The following ARHGAP42 variants were observed in gnomAD, a reference collection of about 807,000 sequenced individuals.
ARHGAP42 encodes the protein Rho GTPase activating protein 42.
Under a neutral mutation model 125.0 loss-of-function variants are expected in ARHGAP42, and 63 were observed. That is an observed-to-expected ratio of 0.50 (90% confidence interval 0.41 to 0.62). The LOEUF is 0.62. Ranked by LOEUF, ARHGAP42 falls within the 20% of genes least tolerant of loss-of-function variation. The pLI, the probability that ARHGAP42 is intolerant of heterozygous loss-of-function variation, is 0.00. For missense variants in ARHGAP42, 766 were observed against 1,024.2 expected (o/e 0.75, Z 3.44); for synonymous variants, 339 against 351.0 (o/e 0.97, Z 0.38).
rs767815247 is a variant in ARHGAP42 at position 100,899,722 on chromosome 11, GT to G, written c.385-13719del. 9.0e-3 allele frequency among the ~76,000 whole-genome samples: 606 copies of G among 67,178 alleles called. 8 individuals carry two copies. Among genetic ancestry groups the G allele is most frequent in the African/African-American group, 0.045 (543 of 11,988 alleles). 44.1% of individuals were successfully genotyped at this position (67,178 alleles called of 152,430 possible). A position where few individuals can be genotyped will look rare whatever the true frequency, so the allele number is the denominator to read the frequency against. On this transcript the variant is annotated intron_variant, in intron 4 of 23. Coordinates refer to ENST00000298815, the MANE Select transcript of ARHGAP42 (RefSeq NM_152432.4). The stretch of plus-strand genomic sequence containing the variant: ...TTTTTTTTGTTTTGTTTTGTGTTTT[GT>G]TTTTTTTTTTGTTTTTTTTTGCTCT...
intron 8 of ARHGAP42, among the ~76,000 whole-genome samples, chr11:100,937,248 C>G (rs964969587): frequency 5.9e-5 from 9 of 152,214 alleles, no homozygotes; most frequent in African/African-American, 2.2e-4. Flanking sequence ...CTACCTTGGC[C>G]AGTCTACTGT....
At chr11:100,882,427 A>G (rs1224013170) in intron 4 of ARHGAP42, among the ~76,000 whole-genome samples, 1 of 150,402 alleles carries the variant, frequency 6.6e-6, no homozygotes, top group Non-Finnish European at 1.5e-5. Context: ...CCATCCCTGT[A>G]TCACTGGTAT....
chr11:100,873,721 A>G (rs983249846), intron 4 of ARHGAP42, among the ~76,000 whole-genome samples: 1 of 152,216 alleles, frequency 6.6e-6, no homozygotes, highest in Non-Finnish European at 1.5e-5. Context: ...TCCATGAGGT[A>G]GGGCCTATTA....
chr11:100,974,465 C>T lies in ARHGAP42; in HGVS notation c.1717C>T (p.His573Tyr). Residue 573 changes from histidine (H) to tyrosine (Y), a missense_variant, in exon 19 of 24, where the codon CAT becomes TAT. Transcript: ENST00000298815. Reference protein sequence around the residue: ...ILIEHYEKIFHTAPDPSIPLP... With the variant: ...ILIEHYEKIFYTAPDPSIPLP... ...CCATTTTTCTTATACGTAGATTTTT[C>T]ATACTGCTCCAGACCCAAGCATTCC... 1.9e-6 allele frequency: 3 copies of T among 1,547,838 alleles called. No homozygotes were observed. In the South Asian group the frequency reaches 3.6e-5, roughly 18 times the overall value.
In ARHGAP42 at chr11:100,830,757, T is replaced by C. The variant is rs142666800; in HGVS notation, c.313-28797T>C. 2.3e-3 allele frequency among the ~76,000 whole-genome samples: 348 copies of C among 152,264 alleles called. 3 individuals carry two copies. The highest frequency in any genetic ancestry group is 7.9e-3 in the African/African-American group (330 of 41,552). On this transcript the variant is annotated intron_variant, in intron 3 of 23. Transcript: ENST00000298815. ...CAACTATAATAATAATATCATAGAG[T>C]GAGCCGTCATCTGGCATTGTTGGGA...
chr11:100,808,161 G>A (rs925345114), intron 3 of ARHGAP42, among the ~76,000 whole-genome samples: 3 of 152,112 alleles, frequency 2.0e-5, no homozygotes, highest in African/African-American at 7.2e-5. Context: ...ACAAAGCTAT[G>A]GATGAATGGG....
chr11:100,759,209 G>T (rs991922100), intron 1 of ARHGAP42, among the ~76,000 whole-genome samples: 4 of 152,220 alleles, frequency 2.6e-5, no homozygotes, highest in Admixed American at 6.5e-5. Context: ...TTAAATGAAA[G>T]AACCTTCTGG....
At chr11:100,793,503 T>A (rs1863624033) in intron 2 of ARHGAP42, among the ~76,000 whole-genome samples, 1 of 152,254 alleles carries the variant, frequency 6.6e-6, no homozygotes. Flanking sequence ...AAATCCAATA[T>A]GAAATAATCA....
At chr11:100,842,338 C>T (rs543422475) in intron 3 of ARHGAP42, among the ~76,000 whole-genome samples, 13 of 152,218 alleles carry the variant, frequency 8.5e-5, no homozygotes, top group Non-Finnish European at 1.6e-4. Context: ...AAATGAGAAC[C>T]TATTCAAGTT....
chr11:100,719,352 C>T (rs1477181223), intron 1 of ARHGAP42, among the ~76,000 whole-genome samples: 1 of 152,144 alleles, frequency 6.6e-6, no homozygotes, highest in Non-Finnish European at 1.5e-5. Context: ...CTACTTTGAG[C>T]TCTGTTGGAA....
At chr11:100,972,437 G>A (rs1858272610) in intron 17 of ARHGAP42, among the ~76,000 whole-genome samples, 1 of 152,144 alleles carries the variant, frequency 6.6e-6, no homozygotes, top group Non-Finnish European at 1.5e-5. Context: ...TGTCAAGCCA[G>A]CAATGATGCT....
intron 12 of ARHGAP42, among the ~76,000 whole-genome samples, chr11:100,959,362 A>G (rs1184167714): frequency 6.6e-6 from 1 of 152,062 alleles, no homozygotes; most frequent in Non-Finnish European, 1.5e-5. Context: ...AAAATGAAAA[A>G]TAGAACATGG....
At chr11:100,948,337 T>A in intron 10 of ARHGAP42, 120 bp from the exon 11 acceptor site, 1 of 711,402 alleles carries the variant, frequency 1.4e-6, no homozygotes, top group Non-Finnish European at 2.2e-6. Context: ...TATGTTTTTC[T>A]CCTCTGTCTT....
intron 1 of ARHGAP42, among the ~76,000 whole-genome samples, chr11:100,737,782 G>A (rs1284716409): frequency 6.6e-6 from 1 of 152,194 alleles, no homozygotes; most frequent in Non-Finnish European, 1.5e-5. Flanking sequence ...CTTCTTATTG[G>A]CAGTAAATGC....
At chr11:100,719,198 C>T (rs1861715934) in intron 1 of ARHGAP42, among the ~76,000 whole-genome samples, 1 of 152,202 alleles carries the variant, frequency 6.6e-6, no homozygotes, top group Non-Finnish European at 1.5e-5. Context: ...CCTAATTCTT[C>T]ATTCACCACT....
At chr11:100,795,255 A>G in intron 3 of ARHGAP42, 89 bp downstream of exon 3, 1 of 924,794 alleles carries the variant, frequency 1.1e-6, no homozygotes, top group Non-Finnish European at 1.6e-6. Flanking sequence ...AGAACTTTAT[A>G]CAAGGCCTTA....
intron 3 of ARHGAP42, among the ~76,000 whole-genome samples, chr11:100,822,882 G>A (rs1420403205): frequency 2.6e-5 from 4 of 152,080 alleles, no homozygotes; most frequent in African/African-American, 4.8e-5. Flanking sequence ...ATATATAGCA[G>A]CCCATAATGC....
intron 7 of ARHGAP42, among the ~76,000 whole-genome samples, chr11:100,934,545 T>C (rs1867681554): frequency 6.6e-6 from 1 of 152,230 alleles, no homozygotes; most frequent in African/African-American, 2.4e-5. Context: ...GTTCAAATGC[T>C]GAGCAACACT....
chr11:100,959,997 A>G (rs532242923), intron 13 of ARHGAP42, 52 bp downstream of exon 13: 30 of 1,455,930 alleles, frequency 2.1e-5, no homozygotes, highest in Admixed American at 4.0e-5. Flanking sequence ...TCATTCTTAC[A>G]TGGAAAACTC....
Sources: gnomAD v4.1 joint callset for allele counts (sites outside exome capture counted in the v4.1 genomes callset) on GRCh38, gnomAD v4.1.1 for gene constraint, MANE v1.5 for transcripts, NCBI Gene and HGNC (gene_info 2026-07-23, HGNC 2026-07-21) for gene names.